CCNH: variants seen among roughly 807,000 people sequenced by gnomAD.
CCNH encodes the protein cyclin-H.
Under a neutral mutation model 41.9 loss-of-function variants are expected in CCNH, and 31 were observed. That is an observed-to-expected ratio of 0.74 (90% CI 0.56 to 1.00). The LOEUF (loss-of-function observed/expected upper bound fraction) is 1.00. CCNH is among the 50% of genes least tolerant of loss of function. The pLI is 0.00. For synonymous variants in CCNH, 138 were observed against 136.1 expected (o/e 1.01, Z -0.10); for missense variants, 362 against 388.4 (o/e 0.93, Z 0.57).
At chr5:87,375,922 G>A (rs1761291425), downstream of CCNH, among the ~76,000 whole-genome samples, 2 of 152,144 alleles carry the variant, frequency 1.3e-5, no homozygotes, top group African/African-American at 4.8e-5. Flanking sequence ...GACACAGAAC[G>A]AAGGCCATAC....
chr5:87,332,441 T>C (rs1757670419), intron 9 of CCNH: 1 of 1,472,824 alleles, frequency 6.8e-7, no homozygotes, highest in Non-Finnish European at 9.4e-7. Context: ...AATTTCTTTA[T>C]AAAACTTGAT....
chr5:87,364,708 T>C (rs969003355), intron 9 of CCNH, among the ~76,000 whole-genome samples: 1 of 152,142 alleles, frequency 6.6e-6, no homozygotes, highest in African/African-American at 2.4e-5. Context: ...GGTTGAATCC[T>C]TCCTCAAACC....
intron 4 of CCNH, 47 bp from the exon 5 acceptor site, chr5:87,405,054 G>A: frequency 7.2e-7 from 1 of 1,386,688 alleles, no homozygotes; most frequent in Non-Finnish European, 1.0e-6. Flanking sequence ...GGTTTAAATG[G>A]AGTATAACAA....
At chr5:87,374,926 T>TAC, downstream of CCNH, 1 of 1,601,044 alleles carries the variant, frequency 6.2e-7, no homozygotes, top group Admixed American at 1.7e-5. Flanking sequence ...TGTAAGTTGA[T>TAC]ACAGAAACTT....
chr5:87,328,872 A>T (rs934991314), intron 9 of CCNH, among the ~76,000 whole-genome samples: 4 of 152,214 alleles, frequency 2.6e-5, no homozygotes, highest in African/African-American at 7.2e-5. Flanking sequence ...AGGTGTCTGA[A>T]TCAAATCTTG....
At chr5:87,386,926 CTTTT>C (rs749486907), downstream of CCNH, 2 of 1,584,562 alleles carry the variant, frequency 1.3e-6, no homozygotes, top group South Asian at 1.1e-5. Context: ...TTTTCAGGTA[CTTTT>C]TTTAAGACTT....
At chr5:87,336,371 GAA>G (rs1161035496) in intron 9 of CCNH, among the ~76,000 whole-genome samples, 1 of 144,264 alleles carries the variant, frequency 6.9e-6, no homozygotes, top group African/African-American at 2.6e-5. Context: ...AGACCAAAAA[GAA>G]AAAAAAAATA....
At position 87,411,280 on chromosome 5, in the gene CCNH, T is replaced by C. The variant is rs757507676; in HGVS notation, c.184A>G (p.Lys62Glu). The C allele has an allele frequency of 6.2e-7, 1 of 1,612,968 alleles. No individual in the cohort carries two copies. The highest frequency in any genetic ancestry group is 8.5e-7 in the Non-Finnish European group (1 of 1,179,524). ...EEMTLCKYYE[K>E]RLLEFCSVFK... Reference sequence around the variant, plus strand: ...ACCGAACAGAATTCCAATAACCTTTTCTCATAGTATTTGCAGAGTGTCATT... The same window carrying C: ...ACCGAACAGAATTCCAATAACCTTTCCTCATAGTATTTGCAGAGTGTCATT... Residue 62 changes from lysine (K) to glutamate (E), a missense_variant, in exon 2 of 9, where the codon AAA (lysine) becomes GAA (glutamate). By Grantham distance (56) the Lys-to-Glu change is moderately conservative. Coordinates refer to ENST00000256897, the MANE Select transcript of CCNH (RefSeq NM_001239.4).
chr5:87,372,039 G>GAA (rs35014912), downstream of CCNH: 112,264 of 873,106 alleles, frequency 0.13, 165 homozygotes, highest in South Asian at 0.16. Flanking sequence ...TGTTGAATTT[G>GAA]AAAAAAAAAA....
At chr5:87,326,572 T>C (rs907792792) in intron 9 of CCNH, among the ~76,000 whole-genome samples, 1 of 152,144 alleles carries the variant, frequency 6.6e-6, no homozygotes, top group South Asian at 2.1e-4. Context: ...GAGAGGGAGA[T>C]TTACTTTTAA....
At chr5:87,374,138 T>C, downstream of CCNH, 2 of 1,377,800 alleles carry the variant, frequency 1.5e-6, no homozygotes, top group African/African-American at 1.5e-5. Flanking sequence ...GGGTAATATA[T>C]ATATATATAT....
chr5:87,407,863 G>T, intron 4 of CCNH, 113 bp downstream of exon 4: 1 of 768,166 alleles, frequency 1.3e-6, no homozygotes, highest in Non-Finnish European at 2.2e-6. Flanking sequence ...AGACCCACAG[G>T]TTGTATCCAT....
At chr5:87,380,623 T>C (rs1445854654), upstream of CCNH, 3 of 1,534,106 alleles carry the variant, frequency 2.0e-6, no homozygotes, top group Non-Finnish European at 2.7e-6. Context: ...ATTTGTTAAA[T>C]CACATACTAA....
chr5:87,381,779 A>C (rs1487078116), upstream of CCNH, among the ~76,000 whole-genome samples: 1 of 152,178 alleles, frequency 6.6e-6, no homozygotes, highest in African/African-American at 2.4e-5. Flanking sequence ...AACAAGTATA[A>C]CTGTTAAGCA....
At chr5:87,353,510 A>G (rs1759431952) in intron 9 of CCNH, among the ~76,000 whole-genome samples, 1 of 152,034 alleles carries the variant, frequency 6.6e-6, no homozygotes. Context: ...TTTGGAGGCA[A>G]AAGTAGAGAC....
intron 9 of CCNH, among the ~76,000 whole-genome samples, chr5:87,345,274 T>C (rs931179343): frequency 2.0e-5 from 3 of 152,226 alleles, no homozygotes; most frequent in African/African-American, 7.2e-5. Flanking sequence ...TAGAAAGAGA[T>C]ATTGCCACTT....
At chr5:87,383,678 TAAAAAAA>T in intron 9 of CCNH, 1 of 1,319,676 alleles carries the variant, frequency 7.6e-7, no homozygotes, top group Non-Finnish European at 1.0e-6. Context: ...AGGTGTTTTC[TAAAAAAA>T]AAAAAAAAAA....
chr5:87,392,945 T>G (rs1469291761), downstream of CCNH: 1 of 152,228 alleles, frequency 6.6e-6, no homozygotes, highest in Non-Finnish European at 1.5e-5. Flanking sequence ...ATCTTGTAAT[T>G]CTGTCTAGAG....
chr5:87,365,044 CAGTAAA>C (rs1200680909), intron 9 of CCNH, among the ~76,000 whole-genome samples: 1 of 152,054 alleles, frequency 6.6e-6, no homozygotes, highest in East Asian at 1.9e-4. Context: ...CAGTTAAAAA[CAGTAAA>C]AGTAGAATAT....
Sources: allele counts gnomAD v4.1 joint callset (sites outside exome capture counted in the v4.1 genomes callset), GRCh38; gene constraint gnomAD v4.1.1; transcripts MANE v1.5; gene names NCBI Gene and HGNC (gene_info 2026-07-23, HGNC 2026-07-21).